CLCN3: variants seen among roughly 807,000 people sequenced by gnomAD.
CLCN3 encodes the protein Cl-/H+ antiporter 3, also known as H(+)/Cl(-) exchange transporter 3.
Under a neutral mutation model 83.4 loss-of-function variants are expected in CLCN3, and 16 were observed. The ratio of observed to expected loss-of-function variants is 0.19; its 90% CI spans 0.13 to 0.29. The LOEUF is 0.29. Ranked by LOEUF, CLCN3 falls within the 10% of genes least tolerant of loss-of-function variation. The pLI, the probability that CLCN3 is intolerant of heterozygous loss-of-function variation, is 1.00. For missense variants in CLCN3, 544 were observed against 1,006.0 expected, an observed-to-expected ratio of 0.54 and a Z score of 6.21; for synonymous variants, 322 against 346.2, an observed-to-expected ratio of 0.93 and a Z score of 0.78.
rs116431785 is a variant in CLCN3, at chr4:169,645,067, C to T, written c.160+8979C>T. 6.8e-3 allele frequency among the ~76,000 whole-genome samples: 1,039 copies of T among 152,310 alleles called. 9 individuals are homozygous for T. Among genetic ancestry groups the T allele is most frequent in the African/African-American group, 0.024 (998 of 41,566 alleles). The stretch of plus-strand genomic sequence containing the variant: ...AATAAATTTGTGTTGTTTTAAGCTA[C>T]TAAGTTTATGGCAGTGTGTTACGAT... On this transcript the variant is annotated intron_variant, in intron 2 of 12. Coordinates refer to ENST00000513761, the MANE Select transcript of CLCN3 (RefSeq NM_001829.4).
chr4:169,646,764 AT>A (rs1560834025), intron 2 of CLCN3, among the ~76,000 whole-genome samples: 1 of 152,204 alleles, frequency 6.6e-6, no homozygotes, highest in Non-Finnish European at 1.5e-5. Flanking sequence ...GGAAATAGGG[AT>A]AGAATAGAAA....
chr4:169,698,838 C>T (rs1732669555), intron 9 of CLCN3, among the ~76,000 whole-genome samples: 1 of 152,076 alleles, frequency 6.6e-6, no homozygotes, highest in Admixed American at 6.5e-5. Flanking sequence ...TTGTTTTTTG[C>T]CTTTTCTGGC....
chr4:169,667,209 G>A (rs370740724), intron 2 of CLCN3, among the ~76,000 whole-genome samples: 4 of 151,740 alleles, frequency 2.6e-5, no homozygotes, highest in Non-Finnish European at 5.9e-5. Flanking sequence ...TCTTTTGCAC[G>A]TGAATAGCCA....
At chr4:169,675,242 G>A (rs1192382776) in intron 2 of CLCN3, among the ~76,000 whole-genome samples, 1 of 152,186 alleles carries the variant, frequency 6.6e-6, no homozygotes, top group Admixed American at 6.5e-5. Flanking sequence ...TTAGTTAATA[G>A]TATTGGCATC....
chr4:169,697,746 T>C lies in CLCN3; in HGVS notation c.1563+12T>C. 1 of 1,566,860 alleles carries C rather than the reference T, an allele frequency of 6.4e-7. No homozygotes were observed. Among genetic ancestry groups the C allele is most frequent in the South Asian group, 1.2e-5 (1 of 86,490 alleles). On this transcript the variant is annotated intron_variant, in intron 9 of 12. Coordinates refer to ENST00000513761, the MANE Select transcript of CLCN3 (RefSeq NM_001829.4). The stretch of plus-strand genomic sequence containing the variant: ...CTTTTGGCATCAAGGTAAGTGCTAA[T>C]GTGAGGTGATATTTGGGTAATTTTG...
chr4:169,668,263 C>T (rs1649703249), intron 2 of CLCN3, among the ~76,000 whole-genome samples: 2 of 151,860 alleles, frequency 1.3e-5, no homozygotes, highest in South Asian at 4.2e-4. Context: ...GATATAGCCT[C>T]CTGCCACAGC....
chr4:169,710,728 G>T (rs1385367957), intron 11 of CLCN3, among the ~76,000 whole-genome samples: 3 of 152,056 alleles, frequency 2.0e-5, no homozygotes, highest in African/African-American at 7.2e-5. Flanking sequence ...TAATTTCATT[G>T]ATACAGTGTT....
intron 3 of CLCN3, 193 bp downstream of exon 3, chr4:169,680,400 T>A (rs545623837): frequency 2.2e-6 from 1 of 451,272 alleles, no homozygotes; most frequent in Non-Finnish European, 3.9e-6. Context: ...CCTGTAACTT[T>A]CCAGAAAGGA....
At chr4:169,623,300 T>C (rs1773152460) in intron 1 of CLCN3, among the ~76,000 whole-genome samples, 1 of 152,230 alleles carries the variant, frequency 6.6e-6, no homozygotes, top group Non-Finnish European at 1.5e-5. Flanking sequence ...TGTGTGTTTA[T>C]TCCGTTGTCC....
rs1581210855 is a variant in CLCN3 at position 169,654,654 on chromosome 4, A to G, written c.160+18566A>G. 2.6e-5 allele frequency among the ~76,000 whole-genome samples: 4 copies of G among 152,182 alleles called. No individual in the cohort carries two copies. The East Asian group carries it at 5.8e-4, about 22-fold the overall frequency. On this transcript the variant is annotated intron_variant, in intron 2 of 12. Transcript: ENST00000513761. ...AAGTTCAGTTTATAATTTCCAACAC[A>G]TGAGGAATTTCTGGCTGTTTTTAAT...
intron 2 of CLCN3, among the ~76,000 whole-genome samples, chr4:169,636,557 T>G (rs1015432918): frequency 1.3e-5 from 2 of 152,216 alleles, no homozygotes; most frequent in African/African-American, 4.8e-5. Context: ...TTAAACTTTA[T>G]GTATGTGGAA....
chr4:169,659,520 T>C (rs1730980058), intron 2 of CLCN3, among the ~76,000 whole-genome samples: 1 of 152,186 alleles, frequency 6.6e-6, no homozygotes, highest in Non-Finnish European at 1.5e-5. Flanking sequence ...TTGCGTAGTT[T>C]AGACACATAC....
intron 2 of CLCN3, among the ~76,000 whole-genome samples, chr4:169,640,448 A>G (rs966835052): frequency 6.6e-6 from 1 of 152,242 alleles, no homozygotes; most frequent in Non-Finnish European, 1.5e-5. Flanking sequence ...GCTCAGAGTG[A>G]GTGCTAAACA....
rs1454263292 is a variant in CLCN3, at chr4:169,723,386, G to A, written c.*3389G>A. 2.0e-5 allele frequency: 3 copies of A among 152,074 alleles called. No individual in the cohort carries two copies. In the East Asian group the frequency reaches 5.8e-4, roughly 29 times the overall value. 9.4% of individuals were successfully genotyped at this position (152,074 alleles called of 1,614,324 possible). On this transcript the variant is annotated 3_prime_UTR_variant, in exon 13 of 13. Transcript: ENST00000513761. Reference sequence around the variant, plus strand: ...ATAGATGCTGGATTGACAGCAGGATGTTCATACCACCAGCAATGGTTTAGC... The same window carrying A: ...ATAGATGCTGGATTGACAGCAGGATATTCATACCACCAGCAATGGTTTAGC...
chr4:169,675,509 A>T (rs1479547572), intron 2 of CLCN3, among the ~76,000 whole-genome samples: 1 of 152,154 alleles, frequency 6.6e-6, no homozygotes, highest in Non-Finnish European at 1.5e-5. Flanking sequence ...TATTTTTACA[A>T]TTTTTTTAAA....
intron 2 of CLCN3, among the ~76,000 whole-genome samples, chr4:169,649,087 A>C (rs181167048): frequency 3.4e-4 from 51 of 152,082 alleles, no homozygotes; most frequent in Admixed American, 2.9e-3. Flanking sequence ...TTGAATATGT[A>C]TTATTTAAGA....
chr4:169,681,706 T>TA (rs945944158), intron 3 of CLCN3, among the ~76,000 whole-genome samples: 4 of 151,452 alleles, frequency 2.6e-5, no homozygotes, highest in East Asian at 1.9e-4. Context: ...CTGAGGATTT[T>TA]AAAAAAAAAT....
chr4:169,665,827 T>C (rs1488368902), intron 2 of CLCN3, among the ~76,000 whole-genome samples: 1 of 152,144 alleles, frequency 6.6e-6, no homozygotes, highest in Non-Finnish European at 1.5e-5. Flanking sequence ...ACAGAGGTAA[T>C]AAGTAACTCT....
intron 5 of CLCN3, among the ~76,000 whole-genome samples, chr4:169,690,137 C>CTTTT (rs397769904): frequency 3.2e-4 from 35 of 110,454 alleles, no homozygotes; most frequent in Admixed American, 4.7e-4. Context: ...TCTTTTCTTT[C>CTTTT]TTTTTTTTTT....
Sources: allele counts gnomAD v4.1 joint callset (sites outside exome capture counted in the v4.1 genomes callset), GRCh38; gene constraint gnomAD v4.1.1; transcripts MANE v1.5; gene names NCBI Gene and HGNC (gene_info 2026-07-23, HGNC 2026-07-21).